The following ZSWIM5 variants were observed in gnomAD, a reference collection of about 807,000 sequenced individuals.
ZSWIM5 encodes zinc finger SWIM-type containing 5.
In ZSWIM5, 55 loss-of-function variants were observed where a neutral mutation model predicts 119.6. The ratio of observed to expected loss-of-function variants is 0.46; its 90% CI spans 0.37 to 0.58. ZSWIM5 has a LOEUF of 0.58. Among genes scored for constraint, ZSWIM5 ranks in the 20% least tolerant of loss-of-function variants. The pLI is 0.00. For synonymous variants in ZSWIM5, 537 were observed against 606.9 expected, an observed-to-expected ratio of 0.88 and a Z score of 1.69; for missense variants, 1,193 against 1,512.8, an observed-to-expected ratio of 0.79 and a Z score of 3.51.
rs776795555 is a variant in ZSWIM5 at position 45,088,176 on chromosome 1, A to G, written c.657T>C (p.Tyr219=). ...LATASEPAVT[Y]KVAISFDRCK... The stretch of plus-strand genomic sequence containing the variant: ...ATCGATCAAAACTGATTGCAACTTT[A>G]TAAGTCACTGCTGGTTCAGAGGCAG... The change falls in exon 2 of 14, where the codon TAT becomes TAC. Residue 219 remains tyrosine, a synonymous_variant. Transcript: ENST00000359600. The surrounding 1 kb of genome is among the most constrained non-coding windows in gnomAD (Gnocchi z 4.2). The G allele has an allele frequency of 8.7e-6, 14 of 1,614,092 alleles. No homozygotes were observed. The highest frequency in any genetic ancestry group is 4.4e-5 in the South Asian group (4 of 91,080).
chr1:45,167,244 C>T (rs1483435880), intron 1 of ZSWIM5, among the ~76,000 whole-genome samples: 86 of 151,466 alleles, frequency 5.7e-4, no homozygotes, highest in Admixed American at 1.3e-3. Flanking sequence ...ATTTAATAAA[C>T]GGTGCTGGGA....
At chr1:45,171,678 A>T (rs1645947001) in intron 1 of ZSWIM5, among the ~76,000 whole-genome samples, 1 of 152,116 alleles carries the variant, frequency 6.6e-6, no homozygotes, top group African/African-American at 2.4e-5. Context: ...AGCACTATCA[A>T]AGGGGCTTTG....
At chr1:45,151,119 T>A (rs1346820157) in intron 1 of ZSWIM5, among the ~76,000 whole-genome samples, 1 of 152,202 alleles carries the variant, frequency 6.6e-6, no homozygotes. Context: ...CTATGGACAA[T>A]GAGACAAATT....
chr1:45,127,183 G>T (rs541668023), intron 1 of ZSWIM5, among the ~76,000 whole-genome samples: 1 of 152,104 alleles, frequency 6.6e-6, no homozygotes, highest in Non-Finnish European at 1.5e-5. Flanking sequence ...GTAGAATTCA[G>T]TCCAGGGCTG....
intron 1 of ZSWIM5, among the ~76,000 whole-genome samples, chr1:45,145,603 C>G (rs1194412906): frequency 6.6e-6 from 1 of 151,644 alleles, no homozygotes; most frequent in Non-Finnish European, 1.5e-5. Flanking sequence ...ATATAACATT[C>G]TTAAAAAAAA....
chr1:45,022,134 ATTTTAT>A (rs1481808507), intron 11 of ZSWIM5, among the ~76,000 whole-genome samples: 5 of 148,898 alleles, frequency 3.4e-5, no homozygotes, highest in African/African-American at 5.1e-5. Context: ...ATTTTATTTT[ATTTTAT>A]TTTTTTTTGA....
chr1:45,163,504 G>T (rs1172711357), intron 1 of ZSWIM5, among the ~76,000 whole-genome samples: 1 of 152,206 alleles, frequency 6.6e-6, no homozygotes, highest in African/African-American at 2.4e-5. Flanking sequence ...GGCTTCAGAA[G>T]ATCGGTAATA....
intron 6 of ZSWIM5, among the ~76,000 whole-genome samples, chr1:45,041,199 C>G (rs1484892960): frequency 2.0e-5 from 3 of 152,152 alleles, no homozygotes; most frequent in Non-Finnish European, 4.4e-5. Flanking sequence ...TAGCATCCAT[C>G]TTCAGAGTAT....
chr1:45,110,995 C>T (rs1645513904), intron 1 of ZSWIM5, among the ~76,000 whole-genome samples: 1 of 152,126 alleles, frequency 6.6e-6, no homozygotes. Flanking sequence ...ACCCTTTAAG[C>T]TGGGTATACA....
At position 45,044,816 on chromosome 1, in the gene ZSWIM5, T is replaced by C. The variant is rs180936957; in HGVS notation, c.1433-1421A>G. Among the ~76,000 whole-genome samples the C allele has an allele frequency of 5.6e-4, 4 of 7,186 alleles. 2 individuals are homozygous for C. Among genetic ancestry groups the C allele is most frequent in the African/African-American group, 2.1e-3 (4 of 1,918 alleles). 4.7% of individuals were successfully genotyped at this position (7,186 alleles called of 152,430 possible). On this transcript the variant is annotated intron_variant, in intron 5 of 13. Transcript: ENST00000359600. ...ATATATATATATAAATATATATATATATATAAATATATATATATAAATATA... is the reference window on the plus strand; with the variant it reads ...ATATATATATATAAATATATATATACATATAAATATATATATATAAATATA...
intron 1 of ZSWIM5, among the ~76,000 whole-genome samples, chr1:45,105,371 C>T (rs1557767142): frequency 6.6e-6 from 1 of 152,246 alleles, no homozygotes; most frequent in Admixed American, 6.5e-5. Context: ...TGCCTGCCAC[C>T]CCGTCTAGGA....
intron 1 of ZSWIM5, among the ~76,000 whole-genome samples, chr1:45,200,886 T>C (rs1193101290): frequency 6.6e-6 from 1 of 152,180 alleles, no homozygotes; most frequent in East Asian, 1.9e-4. Context: ...GGCTGAATTA[T>C]GTCACCCCCC....
chr1:45,159,741 AC>A (rs1645852360), intron 1 of ZSWIM5, among the ~76,000 whole-genome samples: 1 of 151,930 alleles, frequency 6.6e-6, no homozygotes, highest in Non-Finnish European at 1.5e-5. Context: ...GGTGCCCAAT[AC>A]CACACCCAGC....
chr1:45,182,312 G>A (rs1646025323), intron 1 of ZSWIM5, among the ~76,000 whole-genome samples: 1 of 151,876 alleles, frequency 6.6e-6, no homozygotes, highest in South Asian at 2.1e-4. Context: ...GCTGAGGCAG[G>A]AGAATGGCGT....
intron 1 of ZSWIM5, among the ~76,000 whole-genome samples, chr1:45,094,770 G>T (rs368003762): frequency 1.4e-4 from 21 of 152,056 alleles, no homozygotes; most frequent in African/African-American, 4.8e-4. Context: ...CCAGATACTT[G>T]GGGGGTTGAG....
At chr1:45,020,844 G>T in intron 11 of ZSWIM5, 56 bp from the exon 12 acceptor site, 3 of 1,569,642 alleles carry the variant, frequency 1.9e-6, no homozygotes, top group Non-Finnish European at 2.6e-6. Flanking sequence ...TAAACAGTCA[G>T]CTGACTGCAA....
intron 1 of ZSWIM5, among the ~76,000 whole-genome samples, chr1:45,100,076 G>T (rs1208175508): frequency 1.3e-5 from 2 of 152,086 alleles, no homozygotes; most frequent in African/African-American, 4.8e-5. Context: ...AGAAATAAAG[G>T]GTATCCAATT....
intron 2 of ZSWIM5, among the ~76,000 whole-genome samples, chr1:45,086,286 C>T (rs1645329647): frequency 1.3e-5 from 2 of 152,234 alleles, no homozygotes; most frequent in Admixed American, 1.3e-4. Flanking sequence ...GGCCCCTCCT[C>T]CAACATGGGA....
chr1:45,069,484 T>C (rs1357540011), intron 2 of ZSWIM5, among the ~76,000 whole-genome samples: 6 of 152,150 alleles, frequency 3.9e-5, no homozygotes, highest in African/African-American at 7.2e-5. Context: ...AATTATTTCA[T>C]TGGTGAATTC....
Sources: allele counts gnomAD v4.1 joint callset (sites outside exome capture counted in the v4.1 genomes callset), GRCh38; gene constraint gnomAD v4.1.1; non-coding constraint Gnocchi (gnomAD v3.1); transcripts MANE v1.5; gene names NCBI Gene and HGNC (gene_info 2026-07-23, HGNC 2026-07-21).